The following RORA variants were observed in gnomAD, a reference collection of about 807,000 sequenced individuals.
The protein encoded by RORA is RAR related orphan receptor A, also known as nuclear receptor ROR-alpha.
A neutral mutation model predicts 69.5 loss-of-function variants in RORA; 7 were observed. The observed-to-expected ratio is 0.10, with a 90% CI of 0.06 to 0.19. The LOEUF (loss-of-function observed/expected upper bound fraction) is 0.19, where lower values mean the gene tolerates loss of function less well. Ranked by LOEUF, RORA falls within the 10% of genes least tolerant of loss-of-function variation. The pLI is 1.00. For synonymous variants in RORA, 261 were observed against 240.8 expected (o/e 1.08, Z -0.78); for missense variants, 457 against 663.0 (o/e 0.69, Z 3.41).
At chr15:60,564,717 A>G (rs1490012978) in intron 2 of RORA, among the ~76,000 whole-genome samples, 9 of 152,296 alleles carry the variant, frequency 5.9e-5, no homozygotes, top group African/African-American at 2.2e-4. Flanking sequence ...TCACTCAGAT[A>G]TATTTGGGGG....
At chr15:60,885,516 C>T (rs557168286) in intron 1 of RORA, among the ~76,000 whole-genome samples, 4 of 152,318 alleles carry the variant, frequency 2.6e-5, no homozygotes, top group Admixed American at 6.5e-5. Flanking sequence ...TGAGATATAA[C>T]AAAATGGTTG....
At chr15:60,848,203 C>T (rs946989277) in intron 1 of RORA, 1 of 152,306 alleles carries the variant, frequency 6.6e-6, no homozygotes, top group Admixed American at 6.5e-5. Context: ...CTTCCCTCAC[C>T]TCCTGTGGTA....
intron 1 of RORA, among the ~76,000 whole-genome samples, chr15:60,837,631 C>T (rs779904871): frequency 1.3e-5 from 2 of 152,164 alleles, no homozygotes; most frequent in Non-Finnish European, 2.9e-5. Context: ...ATGTCTCAGG[C>T]TGGCCTGTAG....
At chr15:61,104,257 A>T (rs2078920388) in intron 1 of RORA, among the ~76,000 whole-genome samples, 2 of 152,226 alleles carry the variant, frequency 1.3e-5, no homozygotes, top group Admixed American at 1.3e-4. Flanking sequence ...GAGGGAACGG[A>T]GAAAATTAAC....
At chr15:60,673,002 C>G (rs2140739444) in intron 2 of RORA, among the ~76,000 whole-genome samples, 1 of 152,270 alleles carries the variant, frequency 6.6e-6, no homozygotes, top group South Asian at 2.1e-4. Context: ...CTATCAAGTC[C>G]ACACCAATCC....
chr15:60,666,845 A>G (rs1348459186), intron 2 of RORA, among the ~76,000 whole-genome samples: 1 of 152,194 alleles, frequency 6.6e-6, no homozygotes, highest in Non-Finnish European at 1.5e-5. Context: ...CAGATTGTAA[A>G]AGGCCTCGAA....
intron 1 of RORA, among the ~76,000 whole-genome samples, chr15:60,877,872 C>T (rs2073635491): frequency 6.6e-6 from 1 of 152,150 alleles, no homozygotes; most frequent in Non-Finnish European, 1.5e-5. Flanking sequence ...TTGCCTAAAT[C>T]ATAGATCAGT....
At chr15:61,102,098 T>C (rs938264481) in intron 1 of RORA, among the ~76,000 whole-genome samples, 3 of 152,052 alleles carry the variant, frequency 2.0e-5, no homozygotes. Flanking sequence ...CATACATTTC[T>C]CCCAGCCCTC....
intron 2 of RORA, among the ~76,000 whole-genome samples, chr15:60,539,353 A>G (rs905384797): frequency 3.3e-5 from 5 of 152,220 alleles, no homozygotes; most frequent in African/African-American, 1.2e-4. Flanking sequence ...AAACTGACTC[A>G]CATTCCCTGA....
chr15:60,733,117 A>G (rs1016458847), intron 1 of RORA, among the ~76,000 whole-genome samples: 1 of 152,046 alleles, frequency 6.6e-6, no homozygotes, highest in South Asian at 2.1e-4. Context: ...TAAGTTGGAG[A>G]CTCAATTATG....
chr15:61,223,004 C>G (rs765800533), intron 1 of RORA, among the ~76,000 whole-genome samples: 4 of 152,008 alleles, frequency 2.6e-5, no homozygotes, highest in Non-Finnish European at 4.4e-5. Flanking sequence ...ATATAATATC[C>G]TTCCTGAATA....
At chr15:60,585,369 A>C (rs1482917630) in intron 2 of RORA, among the ~76,000 whole-genome samples, 1 of 152,222 alleles carries the variant, frequency 6.6e-6, no homozygotes, top group Non-Finnish European at 1.5e-5. Flanking sequence ...CTTATTTTTT[A>C]GGCAAACTGT....
intron 2 of RORA, among the ~76,000 whole-genome samples, chr15:60,539,324 T>C (rs935762508): frequency 2.0e-5 from 3 of 152,238 alleles, no homozygotes; most frequent in Non-Finnish European, 1.5e-5. Flanking sequence ...CCATCCCTAC[T>C]AGATTAAGCT....
chr15:60,991,619 G>C (rs553384292), intron 1 of RORA, among the ~76,000 whole-genome samples: 1 of 151,972 alleles, frequency 6.6e-6, no homozygotes, highest in East Asian at 1.9e-4. Flanking sequence ...AGTTAAGACG[G>C]GGTGTTGGCA....
At chr15:61,054,832 T>TG (rs201701323) in intron 1 of RORA, among the ~76,000 whole-genome samples, 1,763 of 151,172 alleles carry the variant, frequency 0.012, 12 homozygotes, top group Middle Eastern at 0.079. Context: ...TTTTGTTTTT[T>TG]TTTTTTTTGG....
At chr15:61,117,968 G>A (rs1446628813) in intron 1 of RORA, among the ~76,000 whole-genome samples, 1 of 152,146 alleles carries the variant, frequency 6.6e-6, no homozygotes, top group African/African-American at 2.4e-5. Flanking sequence ...TCCTCCACTT[G>A]ATAACTCTGC....
chr15:60,747,857 T>C (rs1263414247), intron 1 of RORA, among the ~76,000 whole-genome samples: 1 of 152,106 alleles, frequency 6.6e-6, no homozygotes, highest in Non-Finnish European at 1.5e-5. Context: ...GTAAAGCAAC[T>C]CAGAAAGAAA....
rs2065192470 is a variant in RORA, at chr15:60,497,336, A to T, written c.*119T>A. 1 of 740,010 alleles carries T rather than the reference A, an allele frequency of 1.4e-6. No individual in the cohort carries two copies. The highest frequency in any genetic ancestry group is 2.2e-6 in the Non-Finnish European group (1 of 456,070). The allele number at this position is 740,010 out of a possible 1,614,324, so 45.8% of individuals were successfully genotyped here. ...TTTGCCTGACCCCGATCACCAAAAGATGTGCAGTGTGTGGCGCTCCAGGTC... is the reference window on the plus strand; with the variant it reads ...TTTGCCTGACCCCGATCACCAAAAGTTGTGCAGTGTGTGGCGCTCCAGGTC... On this transcript the variant is annotated 3_prime_UTR_variant, in exon 11 of 11. Transcript: ENST00000335670.
intron 1 of RORA, among the ~76,000 whole-genome samples, chr15:60,962,408 A>G (rs1007636577): frequency 5.9e-5 from 9 of 152,206 alleles, no homozygotes; most frequent in Admixed American, 4.6e-4. Flanking sequence ...ACCAAGTACT[A>G]AGAAGGTTCT....
Sources: gnomAD v4.1 joint callset for allele counts (sites outside exome capture counted in the v4.1 genomes callset) on GRCh38, gnomAD v4.1.1 for gene constraint, MANE v1.5 for transcripts, NCBI Gene and HGNC (gene_info 2026-07-23, HGNC 2026-07-21) for gene names.